Variants in SORCS3 observed in about 807,000 individuals in gnomAD.
The protein encoded by SORCS3 is sortilin related VPS10 domain containing receptor 3, also known as VPS10 domain-containing receptor SorCS3.
In SORCS3, 57 loss-of-function variants were observed where a neutral mutation model predicts 146.3. The ratio of observed to expected loss-of-function variants is 0.39; its 90% CI spans 0.31 to 0.49. SORCS3 has a LOEUF of 0.49. SORCS3 is among the 20% of genes least tolerant of loss of function. The pLI, the probability that SORCS3 is intolerant of heterozygous loss-of-function variation, is 0.92. For missense variants in SORCS3, 1,341 were observed against 1,575.5 expected, an observed-to-expected ratio of 0.85 and a Z score of 2.52; for synonymous variants, 653 against 618.5, an observed-to-expected ratio of 1.06 and a Z score of -0.83.
At chr10:104,699,186 G>A (rs1210892064) in intron 1 of SORCS3, among the ~76,000 whole-genome samples, 5 of 152,134 alleles carry the variant, frequency 3.3e-5, no homozygotes, top group African/African-American at 1.2e-4. Context: ...CAAATGTCTT[G>A]CAGACTCAAT....
chr10:104,861,312 C>T (rs1401546616), intron 2 of SORCS3, among the ~76,000 whole-genome samples: 2 of 152,180 alleles, frequency 1.3e-5, no homozygotes, highest in African/African-American at 4.8e-5. Flanking sequence ...AGTTATGCCA[C>T]TTTCTAGCTG....
intron 1 of SORCS3, among the ~76,000 whole-genome samples, chr10:104,720,654 T>C (rs1268025004): frequency 6.6e-6 from 1 of 152,244 alleles, no homozygotes; most frequent in Non-Finnish European, 1.5e-5. Flanking sequence ...CCTGACTTTT[T>C]AATGATCGCC....
At chr10:105,242,916 A>G (rs1375431173) in intron 20 of SORCS3, among the ~76,000 whole-genome samples, 3 of 36,544 alleles carry the variant, frequency 8.2e-5, no homozygotes, top group South Asian at 2.1e-3. Context: ...TATATATATA[A>G]TATATATGAT....
rs759046110 is a variant in SORCS3, at chr10:105,262,417, C to T, written c.3530C>T (p.Ala1177Val). The T allele has an allele frequency of 3.7e-6, 6 of 1,614,028 alleles. No individual in the cohort carries two copies. Among genetic ancestry groups the T allele is most frequent in the Non-Finnish European group, 5.1e-6 (6 of 1,179,956 alleles). Residue 1177 changes from alanine (A) to valine (V), a missense_variant, in exon 26 of 27, where the codon GCC (alanine) becomes GTC (valine). Physicochemically the swap from Ala to Val is moderately conservative, Grantham distance 64. Transcript: ENST00000369701. ...GGGTCAGTGAGCCAAAGTGAAAACG[C>T]CCCCAAAATCACACTCAGTGACTTT... is the stretch of plus-strand genomic sequence containing the variant. ...MIGSVSQSENAPKITLSDFTE... is the reference protein window; with the variant it reads ...MIGSVSQSENVPKITLSDFTE...
chr10:105,027,392 A>G (rs959285672), intron 4 of SORCS3, among the ~76,000 whole-genome samples: 7 of 152,192 alleles, frequency 4.6e-5, no homozygotes, highest in African/African-American at 1.2e-4. Flanking sequence ...TCAATGTACA[A>G]TAAAAAAAGT....
At chr10:105,182,032 G>C (rs1329683240) in intron 14 of SORCS3, among the ~76,000 whole-genome samples, 1 of 151,930 alleles carries the variant, frequency 6.6e-6, no homozygotes, top group African/African-American at 2.4e-5. Flanking sequence ...CTATGATTTA[G>C]CTATAGTTTT....
chr10:104,959,578 T>C (rs1020691063), intron 3 of SORCS3, among the ~76,000 whole-genome samples: 1 of 152,142 alleles, frequency 6.6e-6, no homozygotes, highest in African/African-American at 2.4e-5. Flanking sequence ...GGGTATGATA[T>C]TCTTTTATAG....
intron 1 of SORCS3, among the ~76,000 whole-genome samples, chr10:104,707,649 G>A (rs527244123): frequency 8.5e-5 from 13 of 152,268 alleles, no homozygotes; most frequent in East Asian, 5.8e-4. Flanking sequence ...GAATATCAAC[G>A]ATGAGATCCT....
intron 16 of SORCS3, among the ~76,000 whole-genome samples, chr10:105,204,205 T>C (rs2056589409): frequency 6.6e-6 from 1 of 152,138 alleles, no homozygotes; most frequent in Non-Finnish European, 1.5e-5. Flanking sequence ...AAGAAACATC[T>C]TGGATATAGG....
chr10:105,002,649 G>C (rs573269803), intron 4 of SORCS3, among the ~76,000 whole-genome samples: 44 of 152,222 alleles, frequency 2.9e-4, no homozygotes, highest in Non-Finnish European at 4.4e-5. Flanking sequence ...CCATGTGACT[G>C]GTTACCTACC....
At chr10:104,930,005 A>C (rs1301772284) in intron 3 of SORCS3, among the ~76,000 whole-genome samples, 1 of 152,192 alleles carries the variant, frequency 6.6e-6, no homozygotes, top group Non-Finnish European at 1.5e-5. Context: ...ATTGCCTGAC[A>C]AAGAATTAAA....
rs1554844338 is a variant in SORCS3, at chr10:104,696,219, C to CATATA, written c.627+54266_627+54270dup. Among the ~76,000 whole-genome samples, 22 of 33,182 alleles carry CATATA rather than the reference C, an allele frequency of 6.6e-4. 1 individual carries two copies. Among genetic ancestry groups the CATATA allele is most frequent in the African/African-American group, 2.3e-3 (16 of 6,952 alleles). The allele number at this position is 33,182 out of a possible 152,430, so 21.8% of individuals were successfully genotyped here. ...TAATATATAATATATATCATATACA[C>CATATA]ATATATAATATATATCATATACACA... On this transcript the variant is annotated intron_variant, in intron 1 of 26. Coordinates refer to ENST00000369701, the MANE Select transcript of SORCS3 (RefSeq NM_014978.3).
chr10:104,831,435 G>A (rs1036375538), intron 1 of SORCS3, among the ~76,000 whole-genome samples: 5 of 152,214 alleles, frequency 3.3e-5, no homozygotes, highest in Non-Finnish European at 5.9e-5. Context: ...TGGAAGGGAA[G>A]TTCCCACAAG....
chr10:105,205,036 A>G (rs969582), intron 16 of SORCS3, among the ~76,000 whole-genome samples: 51,369 of 151,966 alleles, frequency 0.34, 8,816 homozygotes, highest in South Asian at 0.48. Flanking sequence ...AATACCCAGT[A>G]CAGTTAGTAC....
chr10:104,752,218 T>A (rs2016996818), intron 1 of SORCS3, among the ~76,000 whole-genome samples: 1 of 151,628 alleles, frequency 6.6e-6, no homozygotes, highest in South Asian at 2.1e-4. Flanking sequence ...GTATTTTTAG[T>A]AGAGATGGGG....
intron 3 of SORCS3, among the ~76,000 whole-genome samples, chr10:104,973,317 T>G (rs1480322027): frequency 6.6e-6 from 1 of 151,540 alleles, no homozygotes; most frequent in African/African-American, 2.4e-5. Context: ...TGTGAATCCA[T>G]CTGGTCCTGG....
intron 7 of SORCS3, among the ~76,000 whole-genome samples, chr10:105,131,413 A>T (rs1013440956): frequency 1.3e-5 from 2 of 152,142 alleles, no homozygotes; most frequent in Admixed American, 6.6e-5. Flanking sequence ...AAAAGCTTCC[A>T]CATGTCATTT....
intron 3 of SORCS3, among the ~76,000 whole-genome samples, chr10:104,971,947 A>G (rs927652181): frequency 2.0e-5 from 3 of 152,218 alleles, no homozygotes. Flanking sequence ...TGAGTGTCTA[A>G]GCGTTTATTG....
chr10:104,659,630 G>A (rs185853145), intron 1 of SORCS3, among the ~76,000 whole-genome samples: 103 of 152,270 alleles, frequency 6.8e-4, no homozygotes, highest in Non-Finnish European at 3.2e-4. Context: ...GCTGTGACCT[G>A]GGCAAGTTAC....
Sources: gnomAD v4.1 joint callset for allele counts (sites outside exome capture counted in the v4.1 genomes callset) on GRCh38, gnomAD v4.1.1 for gene constraint, MANE v1.5 for transcripts, NCBI Gene and HGNC (gene_info 2026-07-23, HGNC 2026-07-21) for gene names.